The following SPATA6 variants were observed in gnomAD, a reference collection of about 807,000 sequenced individuals.
SPATA6 encodes spermatogenesis associated 6.
In SPATA6, 56 loss-of-function variants were observed where a neutral mutation model predicts 65.3. That is an observed-to-expected ratio of 0.86 (90% CI 0.69 to 1.07). The LOEUF is 1.07. SPATA6 is among the 50% of genes least tolerant of loss of function. The pLI, the probability that SPATA6 is intolerant of heterozygous loss-of-function variation, is 0.00. For missense variants in SPATA6, 590 were observed against 594.8 expected, an observed-to-expected ratio of 0.99 and a Z score of 0.08; for synonymous variants, 199 against 213.2, an observed-to-expected ratio of 0.93 and a Z score of 0.58.
chr1:48,341,398 T>A (rs1175581923), intron 11 of SPATA6, among the ~76,000 whole-genome samples: 3 of 152,198 alleles, frequency 2.0e-5, no homozygotes, highest in Non-Finnish European at 4.4e-5. Flanking sequence ...TCCTGCTCCG[T>A]CTGCCCAGGA....
chr1:48,291,971 T>TTA (rs1644771007), downstream of SPATA6, among the ~76,000 whole-genome samples: 1 of 152,196 alleles, frequency 6.6e-6, no homozygotes, highest in African/African-American at 2.4e-5. Flanking sequence ...CCTAATTTTG[T>TTA]TATATCGTTT....
chr1:48,264,708 C>G, the SPATA6 span, among the ~76,000 whole-genome samples: 791 of 152,298 alleles, frequency 5.2e-3, 20 homozygotes, highest in South Asian at 0.05. Flanking sequence ...TCATCCTTTT[C>G]TATGGTTGCA....
the SPATA6 span, among the ~76,000 whole-genome samples, chr1:48,273,956 C>G: frequency 6.6e-6 from 1 of 152,204 alleles, no homozygotes; most frequent in Admixed American, 6.5e-5. Context: ...TACACTCCCC[C>G]CAACAGTGTA....
At chr1:48,417,263 T>C (rs1429747670) in intron 3 of SPATA6, among the ~76,000 whole-genome samples, 1 of 152,168 alleles carries the variant, frequency 6.6e-6, no homozygotes, top group African/African-American at 2.4e-5. Context: ...AAAGATAATA[T>C]GCCAAAGTCA....
chr1:48,406,157 G>A (rs531011020), intron 5 of SPATA6, among the ~76,000 whole-genome samples: 3 of 152,028 alleles, frequency 2.0e-5, no homozygotes, highest in Non-Finnish European at 4.4e-5. Context: ...AGCGTGGGAG[G>A]TCAAGGCTGC....
chr1:48,311,940 G>A (rs1367454135), intron 11 of SPATA6, among the ~76,000 whole-genome samples: 1 of 152,218 alleles, frequency 6.6e-6, no homozygotes, highest in Non-Finnish European at 1.5e-5. Context: ...TTGGCTTGGA[G>A]GGTCCTACGC....
At chr1:48,410,794 A>G (rs1250943463) in intron 5 of SPATA6, among the ~76,000 whole-genome samples, 1 of 152,112 alleles carries the variant, frequency 6.6e-6, no homozygotes, top group Non-Finnish European at 1.5e-5. Context: ...GCACGGGGGA[A>G]ACCACCCTCA....
chr1:48,321,583 A>C (rs1161018159), intron 11 of SPATA6, among the ~76,000 whole-genome samples: 1 of 152,184 alleles, frequency 6.6e-6, no homozygotes, highest in East Asian at 1.9e-4. Flanking sequence ...GGGGACTTCA[A>C]CACTCCACTT....
At chr1:48,355,908 T>G in intron 10 of SPATA6, 139 bp from the exon 11 acceptor site, 1 of 549,516 alleles carries the variant, frequency 1.8e-6, no homozygotes, top group South Asian at 2.8e-5. Context: ...TACCTATATA[T>G]CTGACCATTT....
chr1:48,266,673 C>G, the SPATA6 span, among the ~76,000 whole-genome samples: 21 of 152,152 alleles, frequency 1.4e-4, no homozygotes, highest in African/African-American at 5.1e-4. Flanking sequence ...CTTGAAAATA[C>G]TTCGTAATTC....
intron 2 of SPATA6, among the ~76,000 whole-genome samples, chr1:48,452,724 G>A (rs968947569): frequency 6.6e-6 from 1 of 152,062 alleles, no homozygotes; most frequent in African/African-American, 2.4e-5. Flanking sequence ...CTCTTTTAAT[G>A]AAAATCATTA....
At chr1:48,383,572 A>T (rs1421572399) in intron 9 of SPATA6, among the ~76,000 whole-genome samples, 1 of 19,412 alleles carries the variant, frequency 5.2e-5, no homozygotes, top group Non-Finnish European at 1.1e-4. Context: ...GGGGCTCCTC[A>T]CTTCTCAGAC....
At chr1:48,369,299 A>C (rs181466492) in intron 9 of SPATA6, among the ~76,000 whole-genome samples, 1 of 152,174 alleles carries the variant, frequency 6.6e-6, no homozygotes, top group Non-Finnish European at 1.5e-5. Context: ...TGCTGGGAGA[A>C]CCACTACCCT....
chr1:48,358,504 A>C (rs541488076), intron 10 of SPATA6, among the ~76,000 whole-genome samples: 1 of 152,244 alleles, frequency 6.6e-6, no homozygotes, highest in East Asian at 1.9e-4. Context: ...TAATCAACAA[A>C]ATCACAAGAG....
At chr1:48,366,332 T>C (rs1647010194) in intron 9 of SPATA6, among the ~76,000 whole-genome samples, 1 of 152,168 alleles carries the variant, frequency 6.6e-6, no homozygotes, top group African/African-American at 2.4e-5. Flanking sequence ...GAGGATTCCC[T>C]CTTTTTCTAT....
At chr1:48,317,164 C>A (rs947748751) in intron 11 of SPATA6, among the ~76,000 whole-genome samples, 14 of 152,170 alleles carry the variant, frequency 9.2e-5, no homozygotes, top group African/African-American at 2.7e-4. Context: ...TTGACCCAGC[C>A]ATCCCATTAC....
intron 3 of SPATA6, among the ~76,000 whole-genome samples, chr1:48,431,532 G>A (rs925934931): frequency 1.3e-5 from 2 of 152,088 alleles, no homozygotes; most frequent in South Asian, 2.1e-4. Context: ...CCATATGGTA[G>A]ACCACAAATT....
intron 3 of SPATA6, among the ~76,000 whole-genome samples, chr1:48,449,142 A>G (rs1656331045): frequency 1.3e-5 from 2 of 152,234 alleles, no homozygotes; most frequent in African/African-American, 4.8e-5. Context: ...ATTGCTGATT[A>G]GGAAAATTTC....
intron 3 of SPATA6, among the ~76,000 whole-genome samples, chr1:48,429,243 T>A (rs1654178464): frequency 6.6e-6 from 1 of 152,140 alleles, no homozygotes; most frequent in Non-Finnish European, 1.5e-5. Flanking sequence ...CTCACCCCAT[T>A]GTTGCAAGCC....
Sources: gnomAD v4.1 joint callset for allele counts (sites outside exome capture counted in the v4.1 genomes callset) on GRCh38, gnomAD v4.1.1 for gene constraint, MANE v1.5 for transcripts, NCBI Gene and HGNC (gene_info 2026-07-23, HGNC 2026-07-21) for gene names.